The following PCDH11Y variants were observed in gnomAD, a reference collection of about 807,000 sequenced individuals.
PCDH11Y encodes the protein protocadherin-11 Y-linked.
For synonymous variants in PCDH11Y, 9 were observed against 83.6 expected (o/e 0.11, Z 4.87); for missense variants, 12 against 224.8 (o/e 0.05, Z 6.05).
intron 2 of PCDH11Y, among the ~76,000 whole-genome samples, chrY:5,209,134 G>A: frequency 9.4e-5 from 3 of 31,797 alleles, no homozygotes; most frequent in Admixed American, 2.9e-4. Flanking sequence ...TCCTAGACAA[G>A]TTTTGAGTTT....
intron 2 of PCDH11Y, among the ~76,000 whole-genome samples, chrY:5,124,458 C>T (rs13304148): frequency 8.9e-4 from 29 of 32,448 alleles, no homozygotes; most frequent in South Asian, 2.8e-3. Flanking sequence ...CTGCTCTATT[C>T]GGCATTTTTC....
At chrY:5,021,781 T>C (rs1444794911) in intron 1 of PCDH11Y, among the ~76,000 whole-genome samples, 5 of 30,875 alleles carry the variant, frequency 1.6e-4, no homozygotes, top group Non-Finnish European at 3.9e-4. Flanking sequence ...TTTAAGCATC[T>C]CTTTGTCTAA....
intron 2 of PCDH11Y, among the ~76,000 whole-genome samples, chrY:5,195,421 T>C: frequency 6.0e-5 from 2 of 33,528 alleles, no homozygotes. Context: ...TCAATGATTG[T>C]TCATTACTTT....
intron 3 of PCDH11Y, among the ~76,000 whole-genome samples, chrY:5,508,824 T>C: frequency 9.1e-5 from 3 of 32,974 alleles, no homozygotes; most frequent in Admixed American, 8.5e-4. Context: ...TTAACTTCAC[T>C]GTCTCTTTTT....
chrY:5,163,345 C>T, intron 2 of PCDH11Y, among the ~76,000 whole-genome samples: 1 of 33,055 alleles, frequency 3.0e-5, no homozygotes, highest in South Asian at 6.7e-4. Context: ...TGAAGTCCAT[C>T]AGGCAGGGAA....
chrY:5,297,551 C>G, intron 2 of PCDH11Y, among the ~76,000 whole-genome samples: 1 of 33,462 alleles, frequency 3.0e-5, no homozygotes, highest in Non-Finnish European at 7.4e-5. Flanking sequence ...GTTCCAACAA[C>G]TGGGATGGCA....
chrY:5,342,047 T>C, intron 2 of PCDH11Y, among the ~76,000 whole-genome samples: 1 of 32,913 alleles, frequency 3.0e-5, no homozygotes, highest in Non-Finnish European at 7.4e-5. Flanking sequence ...TATATCCTAG[T>C]GTAAGTGTTT....
intron 4 of PCDH11Y, among the ~76,000 whole-genome samples, chrY:5,715,554 G>T: frequency 3.6e-4 from 12 of 33,430 alleles, no homozygotes; most frequent in African/African-American, 1.4e-3. Flanking sequence ...CATCTACCAA[G>T]ATTAAACCAT....
At chrY:5,651,522 A>G (rs2557158) in intron 4 of PCDH11Y, among the ~76,000 whole-genome samples, 3 of 33,131 alleles carry the variant, frequency 9.1e-5, no homozygotes, top group Non-Finnish European at 2.2e-4. Flanking sequence ...ACAAGGAGTG[A>G]TTCTAAGATT....
At chrY:5,379,042 T>G (rs2053202208) in intron 2 of PCDH11Y, among the ~76,000 whole-genome samples, 1 of 31,608 alleles carries the variant, frequency 3.2e-5, no homozygotes, top group Non-Finnish European at 7.6e-5. Context: ...GAACTGTAAA[T>G]TGAATTCAAT....
intron 1 of PCDH11Y, among the ~76,000 whole-genome samples, chrY:5,076,172 A>G: frequency 3.0e-5 from 1 of 33,700 alleles, no homozygotes; most frequent in East Asian, 7.8e-4. Flanking sequence ...ATTATGTCAA[A>G]CATCTTTTCA....
chrY:5,147,982 C>T (rs207480145), intron 2 of PCDH11Y, among the ~76,000 whole-genome samples: 3 of 33,556 alleles, frequency 8.9e-5, no homozygotes, highest in East Asian at 1.6e-3. Context: ...ATTTGTATTG[C>T]GTTAAGCCAC....
Position 5,662,863 on chromosome Y carries a change from C to T in PCDH11Y, c.3353-74409C>T, listed in dbSNP as rs75907930. On this transcript the variant is annotated intron_variant, in intron 4 of 4. Transcript: ENST00000400457. ...GTAACTAGCTGGGCATGATGGCGGG[C>T]ACCTGTAATCCCAGCTGAGGGAGGC... 3.5e-4 allele frequency among the ~76,000 whole-genome samples: 11 copies of T among 31,705 alleles called. No homozygotes were observed. The East Asian group carries it at 6.6e-3, about 19-fold the overall frequency. 85.1% of individuals were successfully genotyped at this position (31,705 alleles called of 37,273 possible). A position where few individuals can be genotyped will look rare whatever the true frequency, so the allele number is the denominator to read the frequency against.
chrY:5,027,951 G>A (rs2052581418), intron 1 of PCDH11Y, among the ~76,000 whole-genome samples: 1 of 32,052 alleles, frequency 3.1e-5, no homozygotes, highest in South Asian at 7.4e-4. Context: ...TACTTCATTT[G>A]TGGGAGTTTT....
At chrY:5,183,111 C>T in intron 2 of PCDH11Y, among the ~76,000 whole-genome samples, 1 of 33,330 alleles carries the variant, frequency 3.0e-5, no homozygotes, top group Non-Finnish European at 7.4e-5. Flanking sequence ...GTGTCAGACC[C>T]AAGGCCCTGG....
intron 2 of PCDH11Y, among the ~76,000 whole-genome samples, chrY:5,152,713 C>T: frequency 3.1e-5 from 1 of 32,125 alleles, no homozygotes; most frequent in Non-Finnish European, 7.7e-5. Context: ...TTATTTCAAC[C>T]ATTTTGATCA....
At chrY:5,072,410 C>G in intron 1 of PCDH11Y, among the ~76,000 whole-genome samples, 1 of 32,280 alleles carries the variant, frequency 3.1e-5, no homozygotes, top group Admixed American at 2.9e-4. Flanking sequence ...AAGGGAGATG[C>G]AATGTTATAA....
intron 4 of PCDH11Y, among the ~76,000 whole-genome samples, chrY:5,594,037 A>C: frequency 6.0e-5 from 2 of 33,168 alleles, no homozygotes; most frequent in Admixed American, 2.7e-4. Context: ...TGGTACCTGC[A>C]TGTTGGCTGT....
At chrY:5,680,847 A>C (rs2053557782) in intron 4 of PCDH11Y, among the ~76,000 whole-genome samples, 2 of 32,509 alleles carry the variant, frequency 6.2e-5, no homozygotes, top group Admixed American at 2.9e-4. Context: ...CATTATCTAG[A>C]TAAATAGCCT....
Sources: allele counts gnomAD v4.1 joint callset (sites outside exome capture counted in the v4.1 genomes callset), GRCh38; gene constraint gnomAD v4.1.1; transcripts MANE v1.5; gene names NCBI Gene and HGNC (gene_info 2026-07-23, HGNC 2026-07-21).